Variants in CACNA2D3 observed in about 807,000 individuals in gnomAD.
CACNA2D3 encodes the protein voltage-dependent calcium channel subunit alpha-2/delta-3.
Under a neutral mutation model 160.6 loss-of-function variants are expected in CACNA2D3, and 60 were observed. The ratio of observed to expected loss-of-function variants is 0.37; its 90% CI spans 0.30 to 0.46. The LOEUF (loss-of-function observed/expected upper bound fraction) is 0.46, where lower values mean the gene tolerates loss of function less well. Among genes scored for constraint, CACNA2D3 ranks in the 20% least tolerant of loss-of-function variants. The pLI is 1.00. For synonymous variants in CACNA2D3, 558 were observed against 492.9 expected, an observed-to-expected ratio of 1.13 and a Z score of -1.75; for missense variants, 1,205 against 1,365.0, an observed-to-expected ratio of 0.88 and a Z score of 1.85.
intron 8 of CACNA2D3, among the ~76,000 whole-genome samples, chr3:54,574,539 A>G (rs894605270): frequency 5.3e-5 from 8 of 152,250 alleles, no homozygotes; most frequent in African/African-American, 1.9e-4. Context: ...TGATTGAATT[A>G]TGAAAGAATA....
intron 6 of CACNA2D3, among the ~76,000 whole-genome samples, chr3:54,564,600 T>C (rs142175111): frequency 6.6e-6 from 1 of 152,342 alleles, no homozygotes; most frequent in East Asian, 1.9e-4. Flanking sequence ...CTTTTCAGGA[T>C]GCCTCTTTCC....
intron 35 of CACNA2D3, among the ~76,000 whole-genome samples, chr3:55,033,679 G>A (rs1445788739): frequency 2.5e-5 from 2 of 78,544 alleles, no homozygotes; most frequent in Admixed American, 1.5e-4. Context: ...AAATATAAAT[G>A]TGTATATATA....
At chr3:54,918,799 G>A in intron 27 of CACNA2D3, 1 of 1,613,848 alleles carries the variant, frequency 6.2e-7, no homozygotes, top group Admixed American at 1.7e-5. Context: ...AGCAGGAAGA[G>A]GGCAGGGCTG....
intron 11 of CACNA2D3, among the ~76,000 whole-genome samples, chr3:54,685,135 C>T (rs2106921249): frequency 6.6e-6 from 1 of 152,110 alleles, no homozygotes; most frequent in East Asian, 1.9e-4. Context: ...GGTTCAACAG[C>T]CGAAAAATGC....
At chr3:54,175,453 A>T (rs894844755) in intron 2 of CACNA2D3, among the ~76,000 whole-genome samples, 1 of 146,994 alleles carries the variant, frequency 6.8e-6, no homozygotes, top group African/African-American at 2.5e-5. Context: ...CGTCTCTACT[A>T]AAAAAAAAAA....
At chr3:54,745,898 C>T (rs1362181083) in intron 11 of CACNA2D3, among the ~76,000 whole-genome samples, 1 of 152,096 alleles carries the variant, frequency 6.6e-6, no homozygotes, top group Non-Finnish European at 1.5e-5. Flanking sequence ...TAGAGCGTCC[C>T]TAAGGTGACA....
intron 2 of CACNA2D3, among the ~76,000 whole-genome samples, chr3:54,262,065 G>T (rs1235841096): frequency 3.3e-5 from 5 of 152,090 alleles, no homozygotes; most frequent in African/African-American, 1.2e-4. Context: ...ATTTTTTGCT[G>T]CTGCTCTCTA....
chr3:54,993,202 T>TG (rs1332979637), intron 31 of CACNA2D3, among the ~76,000 whole-genome samples: 5 of 152,190 alleles, frequency 3.3e-5, no homozygotes, highest in African/African-American at 1.2e-4. Context: ...TAGAGGCCCC[T>TG]GGGGGGCACT....
chr3:55,070,784 G>GATGA (rs1301141153), intron 35 of CACNA2D3, among the ~76,000 whole-genome samples: 2 of 152,186 alleles, frequency 1.3e-5, no homozygotes, highest in African/African-American at 4.8e-5. Flanking sequence ...CTCAAGGATT[G>GATGA]ATGAAAGGTG....
At chr3:54,869,388 A>G (rs1003619002) in intron 17 of CACNA2D3, among the ~76,000 whole-genome samples, 6 of 152,280 alleles carry the variant, frequency 3.9e-5, no homozygotes, top group Non-Finnish European at 5.9e-5. Flanking sequence ...ATAAACCACA[A>G]GTAAGTCCTT....
intron 11 of CACNA2D3, among the ~76,000 whole-genome samples, chr3:54,692,885 T>C (rs1700595191): frequency 6.6e-6 from 1 of 152,220 alleles, no homozygotes; most frequent in Non-Finnish European, 1.5e-5. Flanking sequence ...GCTGAGAATT[T>C]ACCCAGCAAG....
intron 2 of CACNA2D3, among the ~76,000 whole-genome samples, chr3:54,155,689 G>A (rs1346776687): frequency 6.6e-6 from 1 of 152,168 alleles, no homozygotes; most frequent in African/African-American, 2.4e-5. Flanking sequence ...GTGGATGTAT[G>A]TTATCTAACG....
intron 3 of CACNA2D3, among the ~76,000 whole-genome samples, chr3:54,376,434 A>G (rs948101179): frequency 5.9e-5 from 9 of 152,208 alleles, no homozygotes; most frequent in Admixed American, 5.9e-4. Flanking sequence ...GTGTAAAGTT[A>G]GGATGGTATC....
intron 9 of CACNA2D3, chr3:54,626,700 A>AAG: frequency 1.5e-5 from 11 of 740,840 alleles, no homozygotes; most frequent in Non-Finnish European, 2.3e-5. Context: ...AAAAAAAAAA[A>AAG]AAAAAAAAAG....
intron 2 of CACNA2D3, among the ~76,000 whole-genome samples, chr3:54,289,857 G>T (rs2107475050): frequency 6.6e-6 from 1 of 152,212 alleles, no homozygotes; most frequent in Non-Finnish European, 1.5e-5. Flanking sequence ...CTAGCCATAT[G>T]TAGAAAGCTG....
intron 3 of CACNA2D3, among the ~76,000 whole-genome samples, chr3:54,349,327 C>T (rs553272555): frequency 6.6e-5 from 10 of 152,260 alleles, no homozygotes; most frequent in African/African-American, 2.2e-4. Flanking sequence ...CTCCTGCAAC[C>T]ATTGGTTCTG....
intron 11 of CACNA2D3, among the ~76,000 whole-genome samples, chr3:54,729,092 T>C (rs537445967): frequency 1.3e-5 from 2 of 152,248 alleles, no homozygotes; most frequent in African/African-American, 4.8e-5. Context: ...TGCCACTAAT[T>C]CTAGATTGCT....
intron 10 of CACNA2D3, chr3:54,639,362 T>A (rs1699454396): frequency 6.6e-6 from 1 of 152,180 alleles, no homozygotes; most frequent in African/African-American, 2.4e-5. Flanking sequence ...GTCTGAAACG[T>A]GAAATCAGAG....
chr3:54,897,192 T>G (rs1348526690), intron 26 of CACNA2D3, among the ~76,000 whole-genome samples: 1 of 152,150 alleles, frequency 6.6e-6, no homozygotes, highest in African/African-American at 2.4e-5. Flanking sequence ...TAGAGAAAAT[T>G]CAAGCATCCC....
Sources: allele counts gnomAD v4.1 joint callset (sites outside exome capture counted in the v4.1 genomes callset), GRCh38; gene constraint gnomAD v4.1.1; transcripts MANE v1.5; gene names NCBI Gene and HGNC (gene_info 2026-07-23, HGNC 2026-07-21).